Variants in YPEL1 observed in about 807,000 individuals in gnomAD.
The protein encoded by YPEL1 is protein yippee-like 1.
A neutral mutation model predicts 17.3 loss-of-function variants in YPEL1; 7 were observed. That is an observed-to-expected ratio of 0.40 (90% CI 0.23 to 0.76). The LOEUF is 0.76. Ranked by LOEUF, YPEL1 falls within the 30% of genes least tolerant of loss-of-function variation. The pLI is 0.35. For missense variants in YPEL1, 91 were observed against 155.5 expected (o/e 0.59, Z 2.21); for synonymous variants, 59 against 59.6 (o/e 0.99, Z 0.05).
intron 1 of YPEL1, among the ~76,000 whole-genome samples, chr22:21,730,355 C>T (rs990102496): frequency 6.6e-6 from 1 of 152,022 alleles, no homozygotes. Context: ...TCCCAAATAG[C>T]TGGGACTACA....
In YPEL1 at chr22:21,698,523, C is replaced by T. The variant is rs949689656; in HGVS notation, c.*2606G>A. On this transcript the variant is annotated 3_prime_UTR_variant, in exon 5 of 5. Coordinates refer to ENST00000339468, the MANE Select transcript of YPEL1 (RefSeq NM_013313.5). ...CACCCGTGGCAGGCTGGGGACGGCA[C>T]GAACCTCCAACTGTTTCCCCTAGTC... 11 of 152,352 alleles carry T rather than the reference C, an allele frequency of 7.2e-5. No individual in the cohort carries two copies. Among genetic ancestry groups the T allele is most frequent in the Non-Finnish European group, 1.0e-4 (7 of 68,052 alleles). The allele number at this position is 152,352 out of a possible 1,614,324, so 9.4% of individuals were successfully genotyped here.
At chr22:21,712,006 T>C (rs1282180275) in intron 1 of YPEL1, among the ~76,000 whole-genome samples, 1 of 152,054 alleles carries the variant, frequency 6.6e-6, no homozygotes, top group East Asian at 1.9e-4. Context: ...ATACCTCATC[T>C]CAACTAAAAA....
chr22:21,735,484 C>A (rs2148618302), intron 1 of YPEL1, 131 bp downstream of exon 1: 1 of 152,414 alleles, frequency 6.6e-6, no homozygotes, highest in East Asian at 1.9e-4. Context: ...AGTCACAGGC[C>A]CGCCCTGCTC....
At chr22:21,704,016 TC>T in intron 2 of YPEL1, 134 bp from the exon 3 acceptor site, 4 of 967,186 alleles carry the variant, frequency 4.1e-6, no homozygotes, top group Non-Finnish European at 6.5e-6. Context: ...GACACCGGCG[TC>T]CCCCCTCCAG....
rs373777908 is a variant in YPEL1, at chr22:21,731,434, T to G, written c.-165+4181A>C. Among the ~76,000 whole-genome samples the G allele has an allele frequency of 2.0e-5, 3 of 146,992 alleles. No individual in the cohort carries two copies. In the East Asian group the frequency reaches 6.0e-4, roughly 30 times the overall value. On this transcript the variant is annotated intron_variant, in intron 1 of 4. Coordinates refer to ENST00000339468, the MANE Select transcript of YPEL1 (RefSeq NM_013313.5). Reference sequence around the variant, plus strand: ...CCACACCCAGAAGACTGGATTGAGATAGAAGAAAAGAGGTTGAGAATCTTA... The same window carrying G: ...CCACACCCAGAAGACTGGATTGAGAGAGAAGAAAAGAGGTTGAGAATCTTA...
chr22:21,728,483 G>A (rs2068356973), intron 1 of YPEL1, among the ~76,000 whole-genome samples: 1 of 152,170 alleles, frequency 6.6e-6, no homozygotes. Flanking sequence ...ACGATTAACA[G>A]CAGTTCTAAG....
At position 21,698,496 on chromosome 22, in the gene YPEL1, C is replaced by G. The variant is rs902938336; in HGVS notation, c.*2633G>C. On this transcript the variant is annotated 3_prime_UTR_variant, in exon 5 of 5. Coordinates refer to ENST00000339468, the MANE Select transcript of YPEL1 (RefSeq NM_013313.5). ...GAGTCACTCAGGACTTGGCTGTCCT[C>G]GCACCCGTGGCAGGCTGGGGACGGC... The G allele has an allele frequency of 6.6e-6, 1 of 152,344 alleles. No individual in the cohort carries two copies. 9.4% of individuals were successfully genotyped at this position (152,344 alleles called of 1,614,324 possible).
intron 1 of YPEL1, among the ~76,000 whole-genome samples, chr22:21,725,243 G>A (rs535395050): frequency 5.8e-5 from 8 of 137,702 alleles, no homozygotes; most frequent in Middle Eastern, 4.4e-3. Context: ...TTTTTGAGAC[G>A]GAGTCTCACT....
intron 1 of YPEL1, among the ~76,000 whole-genome samples, chr22:21,721,620 C>A (rs764521574): frequency 6.6e-6 from 1 of 152,124 alleles, no homozygotes; most frequent in African/African-American, 2.4e-5. Context: ...GAAGAGGTTT[C>A]GCCATGTTGG....
At chr22:21,711,400 T>C (rs2068164563) in intron 1 of YPEL1, among the ~76,000 whole-genome samples, 1 of 152,146 alleles carries the variant, frequency 6.6e-6, no homozygotes, top group South Asian at 2.1e-4. Flanking sequence ...TTTGGAAACA[T>C]GAAAGGAGAG....
At chr22:21,714,253 C>A (rs2068199858) in intron 1 of YPEL1, among the ~76,000 whole-genome samples, 1 of 152,232 alleles carries the variant, frequency 6.6e-6, no homozygotes, top group Admixed American at 6.5e-5. Context: ...CCGGTGGCGG[C>A]CACCCAGGAT....
chr22:21,716,041 C>T (rs555750550), intron 1 of YPEL1, among the ~76,000 whole-genome samples: 5 of 152,014 alleles, frequency 3.3e-5, no homozygotes, highest in South Asian at 4.2e-4. Context: ...GGATTACAGG[C>T]GTGAGCCACT....
intron 1 of YPEL1, among the ~76,000 whole-genome samples, chr22:21,711,153 G>C (rs1410947473): frequency 1.3e-5 from 2 of 151,840 alleles, no homozygotes; most frequent in African/African-American, 2.4e-5. Flanking sequence ...CCTCTGAGTA[G>C]CTGGGATTAC....
chr22:21,734,060 A>T (rs1442688995), intron 1 of YPEL1, among the ~76,000 whole-genome samples: 2 of 152,264 alleles, frequency 1.3e-5, no homozygotes, highest in Non-Finnish European at 2.9e-5. Flanking sequence ...TCTACAAAAA[A>T]AAATGTAAAG....
chr22:21,731,245 G>A (rs1202742008), intron 1 of YPEL1, among the ~76,000 whole-genome samples: 3 of 151,868 alleles, frequency 2.0e-5, no homozygotes, highest in Non-Finnish European at 4.4e-5. Flanking sequence ...CAGGTGTGGT[G>A]GCACGTGCCT....
intron 1 of YPEL1, among the ~76,000 whole-genome samples, chr22:21,731,555 A>AAC (rs2068387418): frequency 6.6e-6 from 1 of 151,550 alleles, no homozygotes; most frequent in Non-Finnish European, 1.5e-5. Flanking sequence ...AAAAAAAAAA[A>AAC]ACAGATACAC....
At chr22:21,733,753 A>C (rs2148617497) in intron 1 of YPEL1, among the ~76,000 whole-genome samples, 1 of 152,276 alleles carries the variant, frequency 6.6e-6, no homozygotes, top group Non-Finnish European at 1.5e-5. Flanking sequence ...AAATAAACAA[A>C]CCAAAACAAA....
intron 1 of YPEL1, among the ~76,000 whole-genome samples, chr22:21,722,177 C>T (rs529990211): frequency 1.4e-4 from 22 of 152,208 alleles, no homozygotes; most frequent in Admixed American, 1.0e-3. Flanking sequence ...CCAGCACTTT[C>T]GGAGGCCAAG....
At chr22:21,718,705 A>G (rs1280283306) in intron 1 of YPEL1, among the ~76,000 whole-genome samples, 2 of 152,090 alleles carry the variant, frequency 1.3e-5, no homozygotes, top group African/African-American at 4.8e-5. Context: ...ACAGTTCATC[A>G]CATTTATCAA....
Sources: allele counts gnomAD v4.1 joint callset (sites outside exome capture counted in the v4.1 genomes callset), GRCh38; gene constraint gnomAD v4.1.1; transcripts MANE v1.5; gene names NCBI Gene and HGNC (gene_info 2026-07-23, HGNC 2026-07-21).